Variants in PTPRD observed in about 807,000 individuals in gnomAD.
The protein encoded by PTPRD is protein tyrosine phosphatase receptor type D, also known as receptor-type tyrosine-protein phosphatase delta.
Under a neutral mutation model 214.5 loss-of-function variants are expected in PTPRD, and 34 were observed. That is an observed-to-expected ratio of 0.16 (90% CI 0.12 to 0.21). PTPRD has a LOEUF of 0.21. Ranked by LOEUF, PTPRD falls within the 10% of genes least tolerant of loss-of-function variation. The pLI is 1.00. For missense variants in PTPRD, 2,545 were observed against 2,398.7 expected, an observed-to-expected ratio of 1.06 and a Z score of -1.27; for synonymous variants, 1,128 against 845.7, an observed-to-expected ratio of 1.33 and a Z score of -5.79.
At chr9:9,173,731 T>C (rs369798743) in intron 10 of PTPRD, among the ~76,000 whole-genome samples, 1 of 152,184 alleles carries the variant, frequency 6.6e-6, no homozygotes, top group Non-Finnish European at 1.5e-5. Flanking sequence ...ATGCAGTCCA[T>C]GGTTGACCAT....
At chr9:8,736,876 A>G (rs1301550149) in intron 11 of PTPRD, among the ~76,000 whole-genome samples, 1 of 152,160 alleles carries the variant, frequency 6.6e-6, no homozygotes, top group African/African-American at 2.4e-5. Flanking sequence ...TCAAAAGTTC[A>G]TTGGAAAAGT....
chr9:9,900,433 G>C (rs1344189834), intron 5 of PTPRD, among the ~76,000 whole-genome samples: 1 of 152,102 alleles, frequency 6.6e-6, no homozygotes. Context: ...AGTGACCTTT[G>C]TTTCAGTTCC....
intron 14 of PTPRD, among the ~76,000 whole-genome samples, chr9:8,582,757 A>G (rs906903515): frequency 6.6e-6 from 1 of 152,222 alleles, no homozygotes; most frequent in Non-Finnish European, 1.5e-5. Context: ...GGATATGTAG[A>G]AGAGGTAAAT....
intron 11 of PTPRD, chr9:8,859,944 C>A (rs1275496448): frequency 6.6e-6 from 1 of 152,114 alleles, no homozygotes; most frequent in Non-Finnish European, 1.5e-5. Flanking sequence ...TCCAATCATT[C>A]TGATTTCACA....
intron 37 of PTPRD, among the ~76,000 whole-genome samples, chr9:8,380,973 C>G (rs551381903): frequency 6.6e-6 from 1 of 152,268 alleles, no homozygotes; most frequent in Non-Finnish European, 1.5e-5. Context: ...CATCAGAATT[C>G]CAACTGTAAC....
intron 8 of PTPRD, among the ~76,000 whole-genome samples, chr9:9,477,906 A>C (rs755833168): frequency 1.3e-5 from 2 of 152,202 alleles, no homozygotes; most frequent in Non-Finnish European, 2.9e-5. Flanking sequence ...CATCTGTAAT[A>C]AATAGTTCTC....
At chr9:8,829,807 G>C (rs1221529081) in intron 11 of PTPRD, among the ~76,000 whole-genome samples, 2 of 152,100 alleles carry the variant, frequency 1.3e-5, no homozygotes, top group South Asian at 2.1e-4. Context: ...TCTTCAGCAG[G>C]TCATTTACCC....
At chr9:8,457,086 T>A (rs2096235469) in intron 33 of PTPRD, among the ~76,000 whole-genome samples, 1 of 152,188 alleles carries the variant, frequency 6.6e-6, no homozygotes, top group African/African-American at 2.4e-5. Context: ...GTACCAATAC[T>A]ATTATCTGGT....
chr9:9,480,135 G>C (rs1470759513), intron 8 of PTPRD, among the ~76,000 whole-genome samples: 1 of 152,124 alleles, frequency 6.6e-6, no homozygotes, highest in Non-Finnish European at 1.5e-5. Flanking sequence ...GAAAGAATAA[G>C]GGCATTCATA....
chr9:8,807,939 G>A (rs931725239), intron 11 of PTPRD, among the ~76,000 whole-genome samples: 42 of 152,206 alleles, frequency 2.8e-4, no homozygotes, highest in African/African-American at 9.9e-4. Flanking sequence ...TCAGTCTAGT[G>A]TACTCACTCT....
At chr9:10,536,520 A>G (rs2057833463) in intron 2 of PTPRD, among the ~76,000 whole-genome samples, 1 of 152,124 alleles carries the variant, frequency 6.6e-6, no homozygotes, top group African/African-American at 2.4e-5. Context: ...AAACTTCCCT[A>G]TCCTATTAGG....
chr9:8,664,671 T>A (rs1161622493), intron 12 of PTPRD, among the ~76,000 whole-genome samples: 2 of 152,244 alleles, frequency 1.3e-5, no homozygotes, highest in Non-Finnish European at 2.9e-5. Context: ...AAATGCATGT[T>A]TGCTGAGACA....
chr9:10,391,415 G>T lies in PTPRD; in HGVS notation c.-599-50398C>A, dbSNP rs111734516. Among the ~76,000 whole-genome samples, 722 of 151,804 alleles carry T rather than the reference G, an allele frequency of 4.8e-3. 1 individual carries two copies. Among genetic ancestry groups the T allele is most frequent in the Admixed American group, 8.0e-3 (121 of 15,168 alleles). On this transcript the variant is annotated intron_variant, in intron 2 of 45. Coordinates refer to ENST00000381196, the MANE Select transcript of PTPRD (RefSeq NM_002839.4). Reference sequence around the variant, plus strand: ...ATTCTTTATGCTCAACAGAAGAATAGCCTGTTGAGCATGGTCTAGCCTTAA... The same window carrying T: ...ATTCTTTATGCTCAACAGAAGAATATCCTGTTGAGCATGGTCTAGCCTTAA...
chr9:9,374,571 C>T (rs574997810), intron 9 of PTPRD, among the ~76,000 whole-genome samples: 11 of 152,218 alleles, frequency 7.2e-5, no homozygotes, highest in African/African-American at 1.9e-4. Context: ...GAAATAATGA[C>T]GAAATGCTTC....
intron 7 of PTPRD, among the ~76,000 whole-genome samples, chr9:9,726,476 A>T (rs2098094030): frequency 6.6e-6 from 1 of 152,146 alleles, no homozygotes; most frequent in Non-Finnish European, 1.5e-5. Flanking sequence ...CAGCCCTACC[A>T]CTTACCATTG....
chr9:8,348,829 A>G (rs2074587707), intron 39 of PTPRD, among the ~76,000 whole-genome samples: 1 of 152,136 alleles, frequency 6.6e-6, no homozygotes, highest in African/African-American at 2.4e-5. Context: ...TGCACCCTGA[A>G]TCAACATTTC....
intron 35 of PTPRD, among the ~76,000 whole-genome samples, chr9:8,425,016 A>G (rs865811181): frequency 4.8e-4 from 73 of 152,310 alleles, no homozygotes; most frequent in Middle Eastern, 3.4e-3. Flanking sequence ...ACTTTCATCT[A>G]CACTCCCAAA....
At position 10,570,664 on chromosome 9, in the gene PTPRD, C is replaced by G. The variant is rs557006570; in HGVS notation, c.-600+41734G>C. On this transcript the variant is annotated intron_variant, in intron 2 of 45. Transcript: ENST00000381196. The stretch of plus-strand genomic sequence containing the variant: ...CAGCTTTCTCCAGCATTTTGCTAGT[C>G]AGGACCATCTACCCATTCAACTCCC... Among the ~76,000 whole-genome samples, 139 of 152,200 alleles carry G rather than the reference C, an allele frequency of 9.1e-4. 1 individual carries two copies. Among genetic ancestry groups the G allele is most frequent in the African/African-American group, 3.1e-3 (129 of 41,550 alleles).
At chr9:10,269,051 C>T (rs1316664903) in intron 3 of PTPRD, among the ~76,000 whole-genome samples, 1 of 152,114 alleles carries the variant, frequency 6.6e-6, no homozygotes, top group Non-Finnish European at 1.5e-5. Flanking sequence ...TAGCTGAGAA[C>T]CACTGCTTTA....
Sources: gnomAD v4.1 joint callset for allele counts (sites outside exome capture counted in the v4.1 genomes callset) on GRCh38, gnomAD v4.1.1 for gene constraint, MANE v1.5 for transcripts, NCBI Gene and HGNC (gene_info 2026-07-23, HGNC 2026-07-21) for gene names.